DNAH3: variants seen among roughly 807,000 people sequenced by gnomAD.
DNAH3 encodes dynein axonemal heavy chain 3, also known as axonemal beta dynein heavy chain 3.
A neutral mutation model predicts 432.5 loss-of-function variants in DNAH3; 332 were observed. That is an observed-to-expected ratio of 0.77 (90% CI 0.70 to 0.84). The LOEUF is 0.84. Among genes scored for constraint, DNAH3 ranks in the 40% least tolerant of loss-of-function variants. The pLI, the probability that DNAH3 is intolerant of heterozygous loss-of-function variation, is 0.00. For synonymous variants in DNAH3, 1,956 were observed against 1,900.2 expected (o/e 1.03, Z -0.76); for missense variants, 4,861 against 5,114.0 (o/e 0.95, Z 1.51).
intron 40 of DNAH3, among the ~76,000 whole-genome samples, chr16:21,020,817 C>G (rs920353090): frequency 6.6e-6 from 1 of 152,126 alleles, no homozygotes; most frequent in Non-Finnish European, 1.5e-5. Flanking sequence ...GTGCGACCAT[C>G]ACCACCATCT....
rs369066790 is a variant in DNAH3, at chr16:21,064,860, G to GGTGTGT, written c.3519-2183_3519-2178dup. ...ATAAAAATGCATAAATATTGAGGTAGGTGTGTGTGTGTGTGTGTGTGTGTG... is the reference window on the plus strand; with the variant it reads ...ATAAAAATGCATAAATATTGAGGTAGGTGTGTGTGTGTGTGTGTGTGTGTGTGTGTG... On this transcript the variant is annotated intron_variant, in intron 24 of 61. Coordinates refer to ENST00000261383, the Ensembl canonical transcript of DNAH3. Among the ~76,000 whole-genome samples the GGTGTGT allele has an allele frequency of 9.2e-3, 1,209 of 131,744 alleles. 11 individuals are homozygous for GGTGTGT. Among genetic ancestry groups the GGTGTGT allele is most frequent in the African/African-American group, 0.018 (678 of 37,046 alleles). The allele number at this position is 131,744 out of a possible 152,430, so 86.4% of individuals were successfully genotyped here.
intron 18 of DNAH3, 74 bp from the exon 19 acceptor site, chr16:21,087,134 C>T: frequency 7.9e-7 from 1 of 1,271,494 alleles, no homozygotes; most frequent in East Asian, 2.3e-5. Flanking sequence ...ATTCCCTGAA[C>T]TTAGAGCTGT....
intron 44 of DNAH3, among the ~76,000 whole-genome samples, chr16:20,988,996 G>A (rs528968149): frequency 5.3e-5 from 8 of 152,322 alleles, no homozygotes; most frequent in South Asian, 2.1e-4. Flanking sequence ...AGACTTTCGC[G>A]GGGAGTGTTA....
intron 7 of DNAH3, 99 bp downstream of exon 8, chr16:21,134,160 G>T: frequency 1.7e-6 from 2 of 1,171,678 alleles, no homozygotes; most frequent in South Asian, 3.7e-5. Context: ...ATTTCTCTAT[G>T]CTGTCAGGGC....
At chr16:21,143,407 T>C (rs966240469) in intron 3 of DNAH3, among the ~76,000 whole-genome samples, 6 of 152,128 alleles carry the variant, frequency 3.9e-5, no homozygotes, top group Non-Finnish European at 7.4e-5. Flanking sequence ...AGCAAGAAGA[T>C]AGAGAAGACA....
At position 21,093,890 on chromosome 16, in the gene DNAH3, C is replaced by T. The variant is rs1041461457; in HGVS notation, c.2665+3465G>A. On this transcript the variant is annotated intron_variant, in intron 18 of 61. Transcript: ENST00000261383. ...AAGACAATGAACTTGAACTAAGCCT[C>T]GTATTTTAAAAAAATTAACTCAAAA... Among the ~76,000 whole-genome samples, 20 of 151,912 alleles carry T rather than the reference C, an allele frequency of 1.3e-4. 1 individual carries two copies. In the South Asian group the frequency reaches 2.5e-3, roughly 19 times the overall value.
chr16:21,062,066 G>C (rs186522765), intron 25 of DNAH3, among the ~76,000 whole-genome samples: 6 of 152,288 alleles, frequency 3.9e-5, no homozygotes, highest in Admixed American at 6.5e-5. Context: ...ATGAAAACCT[G>C]AGTTAAGTTG....
intron 7 of DNAH3, among the ~76,000 whole-genome samples, chr16:21,131,559 A>G (rs562377383): frequency 2.6e-5 from 4 of 151,934 alleles, no homozygotes; most frequent in South Asian, 4.2e-4. Context: ...AAGGAAGGAA[A>G]GAAAGAAAGG....
In DNAH3 at chr16:21,040,358, A is replaced by ATTTTTTTTTT. The variant is rs55797285; in HGVS notation, c.4639-425_4639-416dup. Among the ~76,000 whole-genome samples the ATTTTTTTTTT allele has an allele frequency of 2.9e-4, 23 of 79,694 alleles. 1 individual carries two copies. The highest frequency in any genetic ancestry group is 3.6e-4 in the Non-Finnish European group (16 of 44,952). The allele number at this position is 79,694 out of a possible 152,430, so 52.3% of individuals were successfully genotyped here. ...TCAGAAGAATCCCAAAGCCAGACAG[A>ATTTTTTTTTT]TTTTTTTTTTTTTTTTTTTTTTTTT... On this transcript the variant is annotated intron_variant, in intron 32 of 61. Coordinates refer to ENST00000261383, the Ensembl canonical transcript of DNAH3.
At chr16:20,940,493 C>G (rs1206504079) in intron 59 of DNAH3, among the ~76,000 whole-genome samples, 1 of 152,052 alleles carries the variant, frequency 6.6e-6, no homozygotes, top group African/African-American at 2.4e-5. Flanking sequence ...GTGGCAAGAT[C>G]ATAGCTCACT....
chr16:21,098,692 G>T, exon 17 of DNAH3: 3 of 1,613,818 alleles, frequency 1.9e-6, no homozygotes, highest in Non-Finnish European at 2.5e-6. Context: ...CATTTCTTCT[G>T]TAGTCATCAC....
In DNAH3 at chr16:20,982,659, G is replaced by A. The variant is rs2085964826; in HGVS notation, c.7859+62C>T. ...AATCTTCAAAACAACAACAAAAATA[G>A]AGCCAGCGTCTGGACTTCAAATTTG... is the stretch of plus-strand genomic sequence containing the variant. On this transcript the variant is annotated intron_variant, in intron 49 of 61. Coordinates refer to ENST00000261383, the Ensembl canonical transcript of DNAH3. 7 of 1,393,638 alleles carry A rather than the reference G, an allele frequency of 5.0e-6. No homozygotes were observed. The Admixed American group carries it at 6.4e-5, about 13-fold the overall frequency. 86.3% of individuals were successfully genotyped at this position (1,393,638 alleles called of 1,614,324 possible).
chr16:20,933,377 T>C lies in DNAH3; in HGVS notation c.12128A>G (p.Tyr4043Cys), dbSNP rs750370809. The C allele has an allele frequency of 2.7e-5, 43 of 1,614,198 alleles. 1 individual carries two copies. The South Asian group carries it at 3.7e-4, about 14-fold the overall frequency. ...CAGCCAAATGATGGGCAGTGGGTCA[T>C]AGAGGATTTTGGGGAGAGATTCCCC... is the stretch of plus-strand genomic sequence containing the variant. The change falls in exon 62 of 62, where the codon TAT becomes TGT. Residue 4043 changes from tyrosine (Y) to cysteine (C), a missense_variant. Physicochemically the swap from Tyr to Cys is radical, Grantham distance 194 (BLOSUM62 -2). Transcript: ENST00000261383.
chr16:20,945,584 G>A (rs1372509523), intron 57 of DNAH3, among the ~76,000 whole-genome samples: 3 of 151,718 alleles, frequency 2.0e-5, no homozygotes, highest in Non-Finnish European at 4.4e-5. Flanking sequence ...TCCGCCTCCT[G>A]GATTCAAGCA....
At position 21,081,381 on chromosome 16, in the gene DNAH3, TA is replaced by T. The variant is rs56977749; in HGVS notation, c.2969+254del. On this transcript the variant is annotated intron_variant, in intron 20 of 61. Transcript: ENST00000261383. Reference sequence around the variant, plus strand: ...CTTGAAGCTCAGGTTCAAAGAACATTAAAAAAAAAAAAAACCCTTTGAAATA... The same window carrying T: ...CTTGAAGCTCAGGTTCAAAGAACATTAAAAAAAAAAAAACCCTTTGAAATA... Among the ~76,000 whole-genome samples, 284 of 144,004 alleles carry T rather than the reference TA, an allele frequency of 2.0e-3. 1 individual carries two copies. Among genetic ancestry groups the T allele is most frequent in the African/African-American group, 5.2e-3 (202 of 39,012 alleles). 94.5% of individuals were successfully genotyped at this position (144,004 alleles called of 152,430 possible).
chr16:20,970,713 T>G (rs2085299679), intron 51 of DNAH3, among the ~76,000 whole-genome samples: 1 of 152,162 alleles, frequency 6.6e-6, no homozygotes, highest in South Asian at 2.1e-4. Flanking sequence ...TTGGTATCAT[T>G]GATCATCCTC....
At chr16:21,138,817 A>AC (rs1023507305) in intron 5 of DNAH3, among the ~76,000 whole-genome samples, 1 of 151,410 alleles carries the variant, frequency 6.6e-6, no homozygotes, top group African/African-American at 2.4e-5. Context: ...CTAATAAAAA[A>AC]AAAAAACAAC....
At chr16:20,943,360 G>C (rs1010029290) in intron 58 of DNAH3, among the ~76,000 whole-genome samples, 5 of 151,954 alleles carry the variant, frequency 3.3e-5, no homozygotes, top group African/African-American at 9.7e-5. Flanking sequence ...TTATAGGCAT[G>C]AGCCATGGCA....
Position 21,127,667 on chromosome 16 carries a change from C to G in DNAH3, c.1208+20G>C. The G allele has an allele frequency of 6.2e-7, 1 of 1,613,552 alleles. No individual in the cohort carries two copies. On this transcript the variant is annotated intron_variant, in intron 8 of 61. Transcript: ENST00000261383. ...TTTAAGATACCATGGTGCAGCCCCACTTGGAGGGCAGATACTGACTTGTTG... is the reference window on the plus strand; with the variant it reads ...TTTAAGATACCATGGTGCAGCCCCAGTTGGAGGGCAGATACTGACTTGTTG...
Sources: gnomAD v4.1 joint callset for allele counts (sites outside exome capture counted in the v4.1 genomes callset) on GRCh38, gnomAD v4.1.1 for gene constraint, MANE v1.5 for transcripts, NCBI Gene and HGNC (gene_info 2026-07-23, HGNC 2026-07-21) for gene names.